The following AGMO variants were observed in gnomAD, a reference collection of about 807,000 sequenced individuals.
AGMO encodes the protein alkylglycerol monooxygenase, also known as glyceryl-ether monooxygenase.
A neutral mutation model predicts 60.2 loss-of-function variants in AGMO; 75 were observed. The observed-to-expected ratio is 1.25, with a 90% CI of 1.03 to 1.51. The LOEUF is 1.51. AGMO is among the 40% of genes most tolerant of loss of function. The pLI is 0.00. For missense variants in AGMO, 763 were observed against 525.5 expected (o/e 1.45, Z -4.42); for synonymous variants, 261 against 177.1 (o/e 1.47, Z -3.76).
At chr7:15,293,366 G>A (rs34275011) in intron 12 of AGMO, among the ~76,000 whole-genome samples, 334 of 152,172 alleles carry the variant, frequency 2.2e-3, no homozygotes, top group Non-Finnish European at 3.5e-3. Context: ...TCGTGTTGCT[G>A]ATAGATTTCA....
intron 12 of AGMO, among the ~76,000 whole-genome samples, chr7:15,241,630 G>C (rs143945937): frequency 2.0e-5 from 3 of 152,226 alleles, no homozygotes; most frequent in Admixed American, 2.0e-4. Flanking sequence ...CAAAGATGAA[G>C]AGATTCACTG....
the AGMO span, among the ~76,000 whole-genome samples, chr7:15,120,400 T>C: frequency 8.5e-5 from 13 of 152,310 alleles, no homozygotes; most frequent in Admixed American, 6.5e-4. Context: ...GACTAAATGT[T>C]TGTGTCCTCC....
At chr7:15,524,144 T>A (rs557713564) in intron 3 of AGMO, among the ~76,000 whole-genome samples, 1 of 152,084 alleles carries the variant, frequency 6.6e-6, no homozygotes, top group African/African-American at 2.4e-5. Flanking sequence ...AATAGAAGTA[T>A]AAATATGAAA....
chr7:15,297,053 GTC>G (rs926120957), intron 12 of AGMO, among the ~76,000 whole-genome samples: 2 of 145,040 alleles, frequency 1.4e-5, no homozygotes, highest in African/African-American at 2.5e-5. Context: ...ATCTCTCTCT[GTC>G]TCTCTCTCTC....
At chr7:15,378,339 A>G (rs1447806255) in intron 10 of AGMO, among the ~76,000 whole-genome samples, 1 of 152,092 alleles carries the variant, frequency 6.6e-6, no homozygotes, top group Non-Finnish European at 1.5e-5. Context: ...AACACCAATC[A>G]TTAAAGTTTT....
At chr7:15,263,389 A>G (rs959128368) in intron 12 of AGMO, among the ~76,000 whole-genome samples, 33 of 134,778 alleles carry the variant, frequency 2.4e-4, no homozygotes, top group African/African-American at 9.4e-4. Flanking sequence ...ATAACACCTC[A>G]CTCCTGCAAG....
chr7:15,459,135 G>A (rs1342414708), intron 3 of AGMO, among the ~76,000 whole-genome samples: 1 of 151,894 alleles, frequency 6.6e-6, no homozygotes, highest in Non-Finnish European at 1.5e-5. Context: ...TGAAACTTCA[G>A]TTCTAGCACT....
Position 15,354,355 on chromosome 7 carries a change from G to T in AGMO, c.1263+11159C>A, listed in dbSNP as rs116975618. ...GCGTGTATATACACGCGTGTATATA[G>T]ACGTGTGTATATAGACGTGTGTATA... On this transcript the variant is annotated intron_variant, in intron 12 of 12. Coordinates refer to ENST00000342526, the MANE Select transcript of AGMO (RefSeq NM_001004320.2). Among the ~76,000 whole-genome samples, 10 of 50,076 alleles carry T rather than the reference G, an allele frequency of 2.0e-4. 1 individual carries two copies. Among genetic ancestry groups the T allele is most frequent in the Non-Finnish European group, 3.6e-4 (10 of 27,808 alleles). 32.9% of individuals were successfully genotyped at this position (50,076 alleles called of 152,430 possible).
chr7:15,162,479 G>C, the AGMO span, among the ~76,000 whole-genome samples: 1 of 152,168 alleles, frequency 6.6e-6, no homozygotes, highest in Admixed American at 6.6e-5. Flanking sequence ...GTTTGCTTGA[G>C]CTCAGGAGTT....
intron 3 of AGMO, among the ~76,000 whole-genome samples, chr7:15,529,633 A>AAT (rs542202341): frequency 0.67 from 12,486 of 18,754 alleles, 4,656 homozygotes; most frequent in South Asian, 0.8. Flanking sequence ...ATATATATAG[A>AAT]ATATATATAT....
chr7:15,554,806 A>C (rs1301553073), intron 2 of AGMO, among the ~76,000 whole-genome samples: 2 of 152,070 alleles, frequency 1.3e-5, no homozygotes, highest in East Asian at 1.9e-4. Flanking sequence ...TGAGAATTAG[A>C]AACTAATTAG....
chr7:15,229,788 T>C (rs1170456478), intron 12 of AGMO, among the ~76,000 whole-genome samples: 1 of 148,710 alleles, frequency 6.7e-6, no homozygotes, highest in Non-Finnish European at 1.5e-5. Context: ...ATCAAAGTAT[T>C]TGTGTGCTCT....
intron 3 of AGMO, among the ~76,000 whole-genome samples, chr7:15,435,130 T>G (rs1243914151): frequency 6.6e-6 from 1 of 152,046 alleles, no homozygotes; most frequent in Non-Finnish European, 1.5e-5. Flanking sequence ...TTGAAGAACA[T>G]TTCAGTTGTT....
intron 12 of AGMO, among the ~76,000 whole-genome samples, chr7:15,283,182 A>G (rs541076645): frequency 6.6e-6 from 1 of 152,192 alleles, no homozygotes; most frequent in Middle Eastern, 3.4e-3. Flanking sequence ...AACACAATGA[A>G]GAAAACAAAG....
intron 12 of AGMO, among the ~76,000 whole-genome samples, chr7:15,258,188 A>G (rs781367118): frequency 6.6e-6 from 1 of 152,176 alleles, no homozygotes; most frequent in African/African-American, 2.4e-5. Flanking sequence ...ATATCTTAAT[A>G]CTTTTTTATG....
intron 12 of AGMO, among the ~76,000 whole-genome samples, chr7:15,343,709 C>G (rs769272162): frequency 2.6e-5 from 4 of 152,106 alleles, no homozygotes; most frequent in Non-Finnish European, 5.9e-5. Context: ...TTTCAGCTTA[C>G]ATTTTGCTGT....
intron 12 of AGMO, among the ~76,000 whole-genome samples, chr7:15,213,681 T>A (rs1451677517): frequency 6.6e-6 from 1 of 151,892 alleles, no homozygotes; most frequent in Non-Finnish European, 1.5e-5. Flanking sequence ...ATATCAAGAT[T>A]CCTGATCTCC....
At chr7:15,225,184 A>G (rs1426267448) in intron 12 of AGMO, among the ~76,000 whole-genome samples, 1 of 151,886 alleles carries the variant, frequency 6.6e-6, no homozygotes, top group Non-Finnish European at 1.5e-5. Flanking sequence ...ATGTGATTGC[A>G]TAATCTTCAA....
intron 8 of AGMO, among the ~76,000 whole-genome samples, chr7:15,389,435 TTA>T (rs1784051572): frequency 6.6e-6 from 1 of 152,208 alleles, no homozygotes; most frequent in African/African-American, 2.4e-5. Flanking sequence ...AAATATTTGC[TTA>T]TATTCTCCTG....
Sources: allele counts gnomAD v4.1 joint callset (sites outside exome capture counted in the v4.1 genomes callset), GRCh38; gene constraint gnomAD v4.1.1; transcripts MANE v1.5; gene names NCBI Gene and HGNC (gene_info 2026-07-23, HGNC 2026-07-21).